Variants in SNX15 observed in about 807,000 individuals in gnomAD.
SNX15 encodes sorting nexin 15, also known as sorting nexin-15.
A neutral mutation model predicts 35.2 loss-of-function variants in SNX15; 29 were observed. The ratio of observed to expected loss-of-function variants is 0.82; its 90% CI spans 0.61 to 1.12. The LOEUF is 1.12. Ranked by LOEUF, SNX15 falls within the 50% of genes most tolerant of loss-of-function variation. The pLI is 0.00. For synonymous variants in SNX15, 189 were observed against 188.2 expected (o/e 1.00, Z -0.03); for missense variants, 400 against 451.5 (o/e 0.89, Z 1.03).
intron 2 of SNX15, 83 bp from the exon 3 acceptor site, chr11:65,032,348 C>T (rs1946449051): frequency 6.2e-7 from 1 of 1,606,358 alleles, no homozygotes; most frequent in South Asian, 1.1e-5. Context: ...TCCTGATCCT[C>T]ACGCCCCCTG....
At chr11:65,038,972 T>C in intron 7 of SNX15, 143 bp downstream of exon 7, 1 of 542,112 alleles carries the variant, frequency 1.8e-6, no homozygotes, top group Non-Finnish European at 2.9e-6. Context: ...GATTTTTGTT[T>C]CTGTTTTTTT....
In SNX15 at chr11:65,035,504, C is replaced by T; in HGVS notation, c.521-16C>T. 3 of 1,573,824 alleles carry T rather than the reference C, an allele frequency of 1.9e-6. No homozygotes were observed. The highest frequency in any genetic ancestry group is 2.6e-6 in the Non-Finnish European group (3 of 1,163,666). On this transcript the variant is annotated splice_polypyrimidine_tract_variant and intron_variant, in intron 5 of 7. Transcript: ENST00000377244. ...ATAAACGCAGGTATTCATGACCCCA[C>T]TTATCTCTTCCTCAGTGGACCCCCC...
Position 65,032,182 on chromosome 11 carries a change from G to A in SNX15, c.114G>A (p.Lys38=). The part of the protein sequence containing the change: ...YKVTAQFISK[K]DPEDVKEVVV... ...TTCTTTCTCAGTTCATCTCAAAGAA[G>A]GACCCAGAGGATGTCAAAGAGGTGA... is the stretch of plus-strand genomic sequence containing the variant. Residue 38 remains lysine, a synonymous_variant, in exon 2 of 8, where the codon AAG becomes AAA. Transcript: ENST00000377244. 6.2e-7 allele frequency: 1 copy of A among 1,614,164 alleles called. No homozygotes were observed. Among genetic ancestry groups the A allele is most frequent in the Non-Finnish European group, 8.5e-7 (1 of 1,179,994 alleles).
At chr11:65,029,912 G>A (rs1238683897) in intron 1 of SNX15, among the ~76,000 whole-genome samples, 1 of 150,300 alleles carries the variant, frequency 6.7e-6, no homozygotes, top group Admixed American at 6.6e-5. Context: ...TTTGCGACGG[G>A]GTCTTGCTCT....
rs1946560764 is a variant in SNX15 at position 65,039,865 on chromosome 11, C to G, written c.*73C>G. 1.0e-6 allele frequency: 1 copy of G among 988,802 alleles called. No individual in the cohort carries two copies. The highest frequency in any genetic ancestry group is 1.6e-5 in the African/African-American group (1 of 61,844). 61.3% of individuals were successfully genotyped at this position (988,802 alleles called of 1,614,324 possible). A position where few individuals can be genotyped will look rare whatever the true frequency, so the allele number is the denominator to read the frequency against. Reference sequence around the variant, plus strand: ...CCTTCTCCTCTCCCCAGGGCCTGGCCCTACCTCCTGGTCTTGTAATTACAG... The same window carrying G: ...CCTTCTCCTCTCCCCAGGGCCTGGCGCTACCTCCTGGTCTTGTAATTACAG... On this transcript the variant is annotated 3_prime_UTR_variant, in exon 8 of 8. Transcript: ENST00000377244.
At chr11:65,027,699 AG>A (rs954966931) in intron 1 of SNX15, 63 bp downstream of exon 1, 27 of 1,272,742 alleles carry the variant, frequency 2.1e-5, no homozygotes, top group Non-Finnish European at 1.1e-6. Context: ...TTTTACCTTA[AG>A]GAAAGGCGGT....
Position 65,029,799 on chromosome 11 carries a change from ACTCCTGACCTCAAGTTATCCTCCCAC to A in SNX15, c.99+2167_99+2192del, listed in dbSNP as rs1946420448. On this transcript the variant is annotated intron_variant, in intron 1 of 7. Transcript: ENST00000377244. ...ACTGTGTTGGCCAGGCTGGTCTCGA[ACTCCTGACCTCAAGTTATCCTCCCAC>A]CTCGGCCTTCCCAAGTGCTGGAATT... is the stretch of plus-strand genomic sequence containing the variant. Among the ~76,000 whole-genome samples the A allele has an allele frequency of 3.3e-5, 5 of 151,456 alleles. No individual in the cohort carries two copies. The South Asian group carries it at 1.0e-3, about 32-fold the overall frequency.
intron 1 of SNX15, among the ~76,000 whole-genome samples, chr11:65,031,508 G>A (rs904345006): frequency 7.2e-5 from 11 of 152,236 alleles, no homozygotes; most frequent in East Asian, 1.9e-4. Context: ...ATCTTCTCCC[G>A]CAGGGAAGGA....
chr11:65,033,073 A>G (rs903913824), intron 3 of SNX15, among the ~76,000 whole-genome samples: 3 of 151,598 alleles, frequency 2.0e-5, no homozygotes, highest in Admixed American at 2.0e-4. Context: ...ACAGAGTTTC[A>G]TCATATTGGC....
At chr11:65,037,137 C>G (rs1946512332) in intron 6 of SNX15, 1 of 152,242 alleles carries the variant, frequency 6.6e-6, no homozygotes, top group Admixed American at 6.5e-5. Flanking sequence ...CTTGTGCCAG[C>G]TGAGTCCCTG....
At chr11:65,039,481 C>T (rs1946550929) in intron 7 of SNX15, among the ~76,000 whole-genome samples, 1 of 152,102 alleles carries the variant, frequency 6.6e-6, no homozygotes. Context: ...CTCGGCCTCC[C>T]AAAGTGCTGG....
intron 6 of SNX15, 125 bp downstream of exon 6, chr11:65,035,788 C>A: frequency 2.9e-6 from 3 of 1,021,662 alleles, no homozygotes; most frequent in Non-Finnish European, 4.1e-6. Flanking sequence ...CTCAGCAGTG[C>A]TGCCCTGTGG....
chr11:65,039,881 G>A lies in SNX15; in HGVS notation c.*89G>A. On this transcript the variant is annotated 3_prime_UTR_variant, in exon 8 of 8. Coordinates refer to ENST00000377244, the MANE Select transcript of SNX15 (RefSeq NM_013306.5). Reference sequence around the variant, plus strand: ...GGGCCTGGCCCTACCTCCTGGTCTTGTAATTACAGGAGCCATTTCTGTAGG... The same window carrying A: ...GGGCCTGGCCCTACCTCCTGGTCTTATAATTACAGGAGCCATTTCTGTAGG... 1.3e-6 allele frequency: 1 copy of A among 780,980 alleles called. No individual in the cohort carries two copies. Among genetic ancestry groups the A allele is most frequent in the South Asian group, 1.7e-5 (1 of 59,802 alleles). 48.4% of individuals were successfully genotyped at this position (780,980 alleles called of 1,614,324 possible).
chr11:65,037,582 T>TC (rs1946517370), intron 6 of SNX15: 1 of 152,138 alleles, frequency 6.6e-6, no homozygotes, highest in Admixed American at 6.6e-5. Flanking sequence ...ATGGGAAAAG[T>TC]CCCCAAAGCC....
chr11:65,029,615 C>T (rs957751182), intron 1 of SNX15, among the ~76,000 whole-genome samples: 9 of 151,572 alleles, frequency 5.9e-5, no homozygotes, highest in Admixed American at 3.9e-4. Context: ...CTTGCTCTGT[C>T]GCCCAGGCTG....
Position 65,038,813 on chromosome 11 carries a change from G to A in SNX15, c.906G>A (p.Leu302=). 6.3e-7 allele frequency: 1 copy of A among 1,586,426 alleles called. No homozygotes were observed. The highest frequency in any genetic ancestry group is 1.1e-5 in the South Asian group (1 of 87,096). ...LQGYRDGVHV[L]LQGVPSDPLP... is the part of the protein sequence containing the mutation. ...GCTATCGAGACGGCGTGCACGTCTT[G>A]CTTCAGGGAGTCCCCAGTGAGTAGG... is the stretch of plus-strand genomic sequence containing the variant. The change falls in exon 7 of 8, where the codon TTG becomes TTA. Residue 302 remains leucine, a synonymous_variant. Coordinates refer to ENST00000377244, the MANE Select transcript of SNX15 (RefSeq NM_013306.5).
intron 1 of SNX15, among the ~76,000 whole-genome samples, chr11:65,030,273 T>C (rs1041783682): frequency 5.3e-5 from 8 of 151,516 alleles, no homozygotes. Context: ...GAGAATTGCT[T>C]GAACCCGGGA....
rs370769402 is a variant in SNX15 at position 65,027,526 on chromosome 11, C to T, written c.-12C>T. 149 of 1,612,350 alleles carry T rather than the reference C, an allele frequency of 9.2e-5. No homozygotes were observed. The African/African-American group carries it at 1.8e-3, about 20-fold the overall frequency. On this transcript the variant is annotated 5_prime_UTR_variant, in exon 1 of 8. Coordinates refer to ENST00000377244, the MANE Select transcript of SNX15 (RefSeq NM_013306.5). ...TGGAGGCCGGCGCTCCGCTCCGCTC[C>T]AGCTCGGTTTCATGTCCCGCCAGGC...
chr11:65,033,273 G>A (rs1946461321), intron 3 of SNX15, among the ~76,000 whole-genome samples: 1 of 151,286 alleles, frequency 6.6e-6, no homozygotes, highest in African/African-American at 2.4e-5. Context: ...GGCTAGGTGT[G>A]ATGGCTCACA....
Sources: gnomAD v4.1 joint callset for allele counts (sites outside exome capture counted in the v4.1 genomes callset) on GRCh38, gnomAD v4.1.1 for gene constraint, MANE v1.5 for transcripts, NCBI Gene and HGNC (gene_info 2026-07-23, HGNC 2026-07-21) for gene names.